TASOR2: variants seen among roughly 807,000 people sequenced by gnomAD.
The protein encoded by TASOR2 is transcription activation suppressor family member 2.
Under a neutral mutation model 199.5 loss-of-function variants are expected in TASOR2, and 84 were observed. That is an observed-to-expected ratio of 0.42 (90% CI 0.35 to 0.50). The LOEUF (loss-of-function observed/expected upper bound fraction) is 0.50, where lower values mean the gene tolerates loss of function less well. TASOR2 is among the 20% of genes least tolerant of loss of function. The pLI, the probability that TASOR2 is intolerant of heterozygous loss-of-function variation, is 0.02. For missense variants in TASOR2, 2,796 were observed against 2,835.9 expected (o/e 0.99, Z 0.32); for synonymous variants, 1,103 against 1,046.6 (o/e 1.05, Z -1.04).
chr10:5,761,106 T>C (rs1470597354), intron 18 of TASOR2, 184 bp from the exon 20 acceptor site: 2 of 554,252 alleles, frequency 3.6e-6, no homozygotes, highest in South Asian at 2.3e-5. Context: ...ATGTTTAAAA[T>C]CCACATTTAC....
chr10:5,742,106 T>C lies in TASOR2; in HGVS notation c.2337T>C (p.Asn779=), dbSNP rs375929125. The C allele has an allele frequency of 6.8e-6, 11 of 1,613,760 alleles. No individual in the cohort carries two copies. Among genetic ancestry groups the C allele is most frequent in the Non-Finnish European group, 9.3e-6 (11 of 1,179,968 alleles). The change falls in exon 14 of 21, where the codon AAT becomes AAC. Residue 779 remains asparagine, a synonymous_variant. Coordinates refer to ENST00000328090, the Ensembl canonical transcript of TASOR2. This position sits in a 1 kb window ranked among gnomAD's most constrained non-coding sequence, Gnocchi z 4.2. ...TTCTGTAAACTCTTAGGCCCTGGAA[T>C]ACTGATTTGCCTGATAATGTGGAAG...
At position 5,733,498 on chromosome 10, in the gene TASOR2, CA is replaced by C. The variant is rs532245751; in HGVS notation, c.1205-1797del. ...TGGGTGACAGAGCAAGACTGCATCT[CA>C]AAAAAAAAGAAAGAATTCTAGTTGT... On this transcript the variant is annotated intron_variant, in intron 11 of 20. Coordinates refer to ENST00000328090, the Ensembl canonical transcript of TASOR2. 3.4e-4 allele frequency among the ~76,000 whole-genome samples: 51 copies of C among 149,844 alleles called. 1 individual carries two copies. The East Asian group carries it at 9.7e-3, about 29-fold the overall frequency.
rs1432277868 is a variant in TASOR2, at chr10:5,737,776, G to T, written c.1448-1842G>T. On this transcript the variant is annotated intron_variant, in intron 12 of 20. Coordinates refer to ENST00000328090, the Ensembl canonical transcript of TASOR2. This position sits in a 1 kb window ranked among gnomAD's most constrained non-coding sequence, Gnocchi z 4.9. ...CCTAGCAGTGTCATTTGCATTCTTT[G>T]TACTGAATTGGCTTCAGATGTTTAT... 6.6e-6 allele frequency among the ~76,000 whole-genome samples: 1 copy of T among 152,134 alleles called. No homozygotes were observed. The highest frequency in any genetic ancestry group is 1.5e-5 in the Non-Finnish European group (1 of 68,024).
chr10:5,706,730 C>T lies in TASOR2; in HGVS notation c.-287-6093C>T, dbSNP rs971982633. Among the ~76,000 whole-genome samples, 8 of 152,154 alleles carry T rather than the reference C, an allele frequency of 5.3e-5. No homozygotes were observed. Among genetic ancestry groups the T allele is most frequent in the Non-Finnish European group, 8.8e-5 (6 of 68,026 alleles). ...TAAGTAGTGAAACCTAGGCCTAGCACGGTGGCTCATGCCTGTAATTCCAGC... is the reference window on the plus strand; with the variant it reads ...TAAGTAGTGAAACCTAGGCCTAGCATGGTGGCTCATGCCTGTAATTCCAGC... On this transcript the variant is annotated intron_variant, in intron 1 of 20. Coordinates refer to ENST00000328090, the Ensembl canonical transcript of TASOR2. This position sits in a 1 kb window ranked among gnomAD's most constrained non-coding sequence, Gnocchi z 4.8.
intron 12 of TASOR2, 86 bp from the exon 14 acceptor site, chr10:5,739,532 G>C: frequency 7.7e-7 from 1 of 1,303,968 alleles, no homozygotes; most frequent in Non-Finnish European, 1.0e-6. Context: ...TCTCAGACAT[G>C]TTGAATTAAC....
At position 5,724,638 on chromosome 10, in the gene TASOR2, TAG is replaced by T. The variant is rs1198862528; in HGVS notation, c.351+107_351+108del. The T allele has an allele frequency of 3.7e-3, 625 of 169,978 alleles. 1 individual carries two copies. The highest frequency in any genetic ancestry group is 3.0e-3 in the Non-Finnish European group (243 of 80,754). 10.5% of individuals were successfully genotyped at this position (169,978 alleles called of 1,614,324 possible). A position where few individuals can be genotyped will look rare whatever the true frequency, so the allele number is the denominator to read the frequency against. ...TATATATATTATATATATATATAGA[TAG>T]ATAGATAGATAGATATAGATATAGA... On this transcript the variant is annotated intron_variant, in intron 8 of 20. Transcript: ENST00000328090.
At position 5,730,832 on chromosome 10, in the gene TASOR2, T is replaced by C; in HGVS notation, c.833T>C (p.Leu278Ser). 6.2e-7 allele frequency: 1 copy of C among 1,614,218 alleles called. No homozygotes were observed. The highest frequency in any genetic ancestry group is 8.5e-7 in the Non-Finnish European group (1 of 1,180,032). The change falls in exon 11 of 21, where the codon TTG becomes TCG. Residue 278 changes from leucine (L) to serine (S), a missense_variant. Leu to Ser is a moderately radical substitution (Grantham distance 145, BLOSUM62 -2). This residue lies in a region of TASOR2 where 847 missense variants were observed against 887.4 expected (regional missense o/e 0.95). Transcript: ENST00000328090. The surrounding 1 kb of genome is among the most constrained non-coding windows in gnomAD (Gnocchi z 4.1). ...TACATTTTGGAAGTGTCTACTGCTTTGGACTTGCTAGCAGAGCATCCTCAG... is the reference window on the plus strand; with the variant it reads ...TACATTTTGGAAGTGTCTACTGCTTCGGACTTGCTAGCAGAGCATCCTCAG...
chr10:5,723,802 T>A (rs758167039), intron 7 of TASOR2, 25 bp downstream of exon 8: 1 of 1,489,120 alleles, frequency 6.7e-7, no homozygotes, highest in Non-Finnish European at 9.3e-7. Context: ...AATAACACGC[T>A]ACTTGTCCTG....
At chr10:5,745,218 G>C (rs1452672976) in intron 14 of TASOR2, among the ~76,000 whole-genome samples, 1 of 152,186 alleles carries the variant, frequency 6.6e-6, no homozygotes, top group African/African-American at 2.4e-5. Context: ...GTTTAAATCA[G>C]TGCCTTTAGT....
chr10:5,748,313 T>C lies in TASOR2; in HGVS notation c.4892T>C (p.Leu1631Pro), dbSNP rs1367821108. ...TTGAAAACAGATGAAGGCATTTATC[T>C]GCAGGTGAAGTCCTTGACAGCTGCC... Residue 1631 changes from leucine to proline, a missense_variant, in exon 15 of 21, where the codon CTG (leucine) becomes CCG (proline). Around this residue, in one of 3 missense-constraint regions of TASOR2, gnomAD observed 1,941 missense variants for 1,924.9 expected, o/e 1.01. Transcript: ENST00000328090. The surrounding 1 kb of genome is among the most constrained non-coding windows in gnomAD (Gnocchi z 5.1). The C allele has an allele frequency of 3.7e-6, 6 of 1,614,160 alleles. No individual in the cohort carries two copies. Among genetic ancestry groups the C allele is most frequent in the African/African-American group, 2.7e-5 (2 of 74,960 alleles).
chr10:5,716,281 A>G (rs546304297), intron 2 of TASOR2, among the ~76,000 whole-genome samples: 2 of 152,358 alleles, frequency 1.3e-5, no homozygotes, highest in East Asian at 1.9e-4. Flanking sequence ...ATTCATGGAC[A>G]TACGGGTTAT....
rs1426553137 is a variant in TASOR2 at position 5,706,001 on chromosome 10, T to TA, written c.-287-6821dup. Among the ~76,000 whole-genome samples the TA allele has an allele frequency of 6.6e-6, 1 of 151,404 alleles. No individual in the cohort carries two copies. The highest frequency in any genetic ancestry group is 1.5e-5 in the Non-Finnish European group (1 of 68,008). ...AATTTTATAATTTTAGCCAAATAGTTATAGTTTTTATGTTTAGGTCTGTGA... is the reference window on the plus strand; with the variant it reads ...AATTTTATAATTTTAGCCAAATAGTTAATAGTTTTTATGTTTAGGTCTGTGA... On this transcript the variant is annotated intron_variant, in intron 1 of 20. Transcript: ENST00000328090. The surrounding 1 kb of genome is among the most constrained non-coding windows in gnomAD (Gnocchi z 4.8).
chr10:5,724,759 A>T (rs1833835046), intron 8 of TASOR2, among the ~76,000 whole-genome samples: 1 of 151,234 alleles, frequency 6.6e-6, no homozygotes, highest in African/African-American at 2.4e-5. Context: ...GTAATACAGT[A>T]TCTGTGGGGT....
rs1461107924 is a variant in TASOR2, at chr10:5,730,632, A to G, written c.633A>G (p.Gln211=). Residue 211 remains glutamine, a synonymous_variant, in exon 11 of 21, where the codon CAA becomes CAG. Transcript: ENST00000328090. This position sits in a 1 kb window ranked among gnomAD's most constrained non-coding sequence, Gnocchi z 4.1. ...ACACATTAGTAAAGCGTCATTTCCA[A>G]GAATTGTACAAGGCGGACAGAAGCC... The G allele has an allele frequency of 6.2e-7, 1 of 1,614,246 alleles. No homozygotes were observed. The highest frequency in any genetic ancestry group is 8.5e-7 in the Non-Finnish European group (1 of 1,180,046).
exon 15 of TASOR2, chr10:5,747,959 C>T (rs1195034403): frequency 6.2e-7 from 1 of 1,613,866 alleles, no homozygotes; most frequent in Non-Finnish European, 8.5e-7. Flanking sequence ...GAGGGTTTAT[C>T]TTTCTCAGGA....
At chr10:5,747,831 A>G (rs771788396) in exon 15 of TASOR2, 1 of 1,613,864 alleles carries the variant, frequency 6.2e-7, no homozygotes, top group Non-Finnish European at 8.5e-7. Flanking sequence ...TTACCCAGGT[A>G]CAACAAATGC....
At chr10:5,758,028 C>T (rs1839218805) in intron 17 of TASOR2, among the ~76,000 whole-genome samples, 1 of 152,198 alleles carries the variant, frequency 6.6e-6, no homozygotes, top group Admixed American at 6.5e-5. Context: ...AGTCAACCTT[C>T]TCCATTTCTG....
At chr10:5,727,187 G>A in intron 10 of TASOR2, 64 bp downstream of exon 11, 1 of 1,556,424 alleles carries the variant, frequency 6.4e-7, no homozygotes. Flanking sequence ...CATCTGACTT[G>A]ACCTCTCAGC....
rs776914981 is a variant in TASOR2 at position 5,735,512 on chromosome 10, T to C, written c.1413T>C (p.Asn471=). The C allele has an allele frequency of 4.3e-6, 7 of 1,613,806 alleles. No individual in the cohort carries two copies. The African/African-American group carries it at 8.0e-5, about 18-fold the overall frequency. ...AGAGAGTAAATATAGTAAAAGGCAA[T>C]GAGAACCCCAGAAACAGAAAGCAGC... is the stretch of plus-strand genomic sequence containing the variant. Residue 471 remains asparagine (N), a synonymous_variant, in exon 12 of 21, where the codon AAT becomes AAC. Coordinates refer to ENST00000328090, the Ensembl canonical transcript of TASOR2.
Sources: gnomAD v4.1 joint callset for allele counts (sites outside exome capture counted in the v4.1 genomes callset) on GRCh38, gnomAD v4.1.1 for gene constraint, gnomAD v4.1.1 regional missense constraint, Gnocchi (gnomAD v3.1) non-coding constraint, MANE v1.5 for transcripts, NCBI Gene and HGNC (gene_info 2026-07-23, HGNC 2026-07-21) for gene names.